Variants in ESR1 observed in about 807,000 individuals in gnomAD.
ESR1 encodes the protein estrogen receptor.
In ESR1, 12 loss-of-function variants were observed where a neutral mutation model predicts 52.7. That is an observed-to-expected ratio of 0.23 (90% CI 0.15 to 0.37). The LOEUF is 0.37. ESR1 is among the 10% of genes least tolerant of loss of function. The pLI, the probability that ESR1 is intolerant of heterozygous loss-of-function variation, is 1.00. For missense variants in ESR1, 584 were observed against 779.7 expected (o/e 0.75, Z 2.99); for synonymous variants, 305 against 316.8 (o/e 0.96, Z 0.39).
intron 2 of ESR1, among the ~76,000 whole-genome samples, chr6:151,755,068 G>T (rs1784177918): frequency 6.6e-6 from 1 of 152,038 alleles, no homozygotes; most frequent in Non-Finnish European, 1.5e-5. Context: ...CACTTAGCTG[G>T]ACGTGATGGT....
chr6:152,004,293 A>T (rs1360218994), intron 4 of ESR1, among the ~76,000 whole-genome samples: 2 of 152,154 alleles, frequency 1.3e-5, no homozygotes, highest in South Asian at 2.1e-4. Flanking sequence ...TAAGACCAAT[A>T]ATTTTTCAAA....
chr6:151,959,596 G>A (rs1306180062), intron 4 of ESR1, among the ~76,000 whole-genome samples: 1 of 152,120 alleles, frequency 6.6e-6, no homozygotes, highest in African/African-American at 2.4e-5. Flanking sequence ...AACCTTAGAG[G>A]TTCCACAGCC....
chr6:152,074,295 C>A (rs1562755826), intron 6 of ESR1, among the ~76,000 whole-genome samples: 1 of 152,208 alleles, frequency 6.6e-6, no homozygotes, highest in African/African-American at 2.4e-5. Flanking sequence ...TTTACTGTCT[C>A]CACAGTTTTG....
chr6:151,736,245 T>C (rs780038069), intron 2 of ESR1, among the ~76,000 whole-genome samples: 1 of 143,544 alleles, frequency 7.0e-6, no homozygotes, highest in Non-Finnish European at 1.5e-5. Flanking sequence ...TACATTTGCT[T>C]TTTAACTCTA....
chr6:152,012,017 TACACACACAC>T (rs141508452), intron 5 of ESR1, among the ~76,000 whole-genome samples: 7 of 141,700 alleles, frequency 4.9e-5, no homozygotes, highest in East Asian at 2.1e-4. Flanking sequence ...TTATTTCTAA[TACACACACAC>T]ACACACACAC....
intron 1 of ESR1, chr6:151,809,142 C>G (rs1778383711): frequency 2.3e-6 from 1 of 429,338 alleles, no homozygotes; most frequent in Non-Finnish European, 5.0e-6. Context: ...CAGTGACAAG[C>G]CTGTCCCACC....
chr6:152,119,811 A>G (rs1032159810), intron 6 of ESR1, among the ~76,000 whole-genome samples: 2 of 152,148 alleles, frequency 1.3e-5, no homozygotes, highest in Non-Finnish European at 2.9e-5. Flanking sequence ...ATGGCCCCAT[A>G]CCCATCTCCC....
intron 4 of ESR1, among the ~76,000 whole-genome samples, chr6:152,003,457 A>G (rs899332892): frequency 6.6e-6 from 1 of 151,860 alleles, no homozygotes; most frequent in African/African-American, 2.4e-5. Flanking sequence ...TCAATAATAC[A>G]GTCAAGTGTG....
chr6:151,660,952 T>C (rs1281707400), intron 1 of ESR1, among the ~76,000 whole-genome samples: 1 of 152,188 alleles, frequency 6.6e-6, no homozygotes, highest in African/African-American at 2.4e-5. Flanking sequence ...TGATTAGGGG[T>C]TCGGCTCAGG....
intron 4 of ESR1, among the ~76,000 whole-genome samples, chr6:151,945,240 CA>C (rs1348775612): frequency 3.9e-5 from 6 of 151,986 alleles, no homozygotes; most frequent in Non-Finnish European, 7.4e-5. Flanking sequence ...ATAAACCACA[CA>C]AAAAAAGAGA....
chr6:151,960,880 A>G (rs1304557933), intron 4 of ESR1, among the ~76,000 whole-genome samples: 5 of 152,144 alleles, frequency 3.3e-5, no homozygotes, highest in African/African-American at 1.2e-4. Context: ...CATTTCAAAT[A>G]TATCTTGAGG....
chr6:151,801,733 T>C (rs2061503075), upstream of ESR1, among the ~76,000 whole-genome samples: 1 of 152,200 alleles, frequency 6.6e-6, no homozygotes, highest in Non-Finnish European at 1.5e-5. Context: ...CCATTGTACT[T>C]AAAGATTCAT....
At chr6:151,668,829 G>A (rs185183337) in intron 1 of ESR1, among the ~76,000 whole-genome samples, 520 of 152,234 alleles carry the variant, frequency 3.4e-3, no homozygotes, top group Admixed American at 5.5e-3. Context: ...CTTTATTAGA[G>A]AAAGGGCATT....
intron 6 of ESR1, among the ~76,000 whole-genome samples, chr6:152,121,337 T>G (rs34070858): frequency 0.11 from 16,162 of 152,266 alleles, 1,126 homozygotes; most frequent in Non-Finnish European, 0.15. Context: ...AGAAGATTTC[T>G]GTGGCTGTTG....
intron 2 of ESR1, among the ~76,000 whole-genome samples, chr6:151,857,481 A>T (rs1341059407): frequency 6.6e-6 from 1 of 151,766 alleles, no homozygotes; most frequent in Non-Finnish European, 1.5e-5. Context: ...ACACACAAAC[A>T]CACCCACCCA....
At chr6:152,067,784 G>A (rs554983401) in intron 6 of ESR1, among the ~76,000 whole-genome samples, 1 of 152,122 alleles carries the variant, frequency 6.6e-6, no homozygotes, top group Non-Finnish European at 1.5e-5. Context: ...CCAAGATCGT[G>A]CCATTGCACT....
At position 151,943,412 on chromosome 6, in the gene ESR1, A is replaced by C. The variant is rs571361754; in HGVS notation, c.761-761A>C. On this transcript the variant is annotated intron_variant, in intron 3 of 7. Transcript: ENST00000206249. ...AAACAAAAAAAAACAAAAACAAAAA[A>C]AAAACCACCTTTGGGGGGAAATTAT... is the stretch of plus-strand genomic sequence containing the variant. 2.3e-4 allele frequency among the ~76,000 whole-genome samples: 35 copies of C among 151,894 alleles called. No individual in the cohort carries two copies. The East Asian group carries it at 3.9e-3, about 17-fold the overall frequency.
At chr6:151,934,055 C>T (rs778000694) in intron 3 of ESR1, among the ~76,000 whole-genome samples, 1 of 152,184 alleles carries the variant, frequency 6.6e-6, no homozygotes, top group Non-Finnish European at 1.5e-5. Context: ...AAGCTCTCAC[C>T]TTAGCTGGCA....
chr6:151,732,251 C>T (rs955400534), intron 2 of ESR1, among the ~76,000 whole-genome samples: 7 of 152,022 alleles, frequency 4.6e-5, no homozygotes, highest in South Asian at 4.2e-4. Flanking sequence ...TCTCATCAGG[C>T]GGATAATTTA....
Sources: allele counts gnomAD v4.1 joint callset (sites outside exome capture counted in the v4.1 genomes callset), GRCh38; gene constraint gnomAD v4.1.1; transcripts MANE v1.5; gene names NCBI Gene and HGNC (gene_info 2026-07-23, HGNC 2026-07-21).